The following CDH12 variants were observed in gnomAD, a reference collection of about 807,000 sequenced individuals.
CDH12 encodes cadherin-12.
A neutral mutation model predicts 74.1 loss-of-function variants in CDH12; 41 were observed. That is an observed-to-expected ratio of 0.55 (90% CI 0.43 to 0.72). The LOEUF (loss-of-function observed/expected upper bound fraction) is 0.72, where lower values mean the gene tolerates loss of function less well. CDH12 is among the 30% of genes least tolerant of loss of function. CDH12 has a pLI of 0.00. For synonymous variants in CDH12, 399 were observed against 355.0 expected (o/e 1.12, Z -1.39); for missense variants, 945 against 977.2 (o/e 0.97, Z 0.44).
chr5:22,169,198 C>CT (rs372132613), intron 4 of CDH12, among the ~76,000 whole-genome samples: 19,703 of 150,192 alleles, frequency 0.13, 1,379 homozygotes, highest in South Asian at 0.17. Context: ...GTCTTTCTGT[C>CT]TTTTTTTTTC....
intron 1 of CDH12, among the ~76,000 whole-genome samples, chr5:22,621,064 T>C (rs1737944807): frequency 6.6e-6 from 1 of 152,214 alleles, no homozygotes; most frequent in Non-Finnish European, 1.5e-5. Context: ...CTAGAGGTTC[T>C]AAGAGAACAT....
intron 1 of CDH12, among the ~76,000 whole-genome samples, chr5:22,717,730 T>C (rs1743653508): frequency 6.6e-6 from 1 of 152,120 alleles, no homozygotes; most frequent in African/African-American, 2.4e-5. Flanking sequence ...ATGGGAGAGG[T>C]AAACTTCTAT....
chr5:21,817,624 A>T (rs1420349980), intron 8 of CDH12, among the ~76,000 whole-genome samples: 2 of 152,022 alleles, frequency 1.3e-5, no homozygotes, highest in African/African-American at 2.4e-5. Context: ...ATAAGTATAC[A>T]TCATTAAACT....
At chr5:21,837,834 C>A (rs1561229847) in intron 8 of CDH12, among the ~76,000 whole-genome samples, 2 of 152,102 alleles carry the variant, frequency 1.3e-5, no homozygotes, top group Non-Finnish European at 2.9e-5. Flanking sequence ...CCTCTTCTTT[C>A]TCCTGGTTCA....
chr5:21,962,271 T>G (rs1465589856), intron 6 of CDH12, among the ~76,000 whole-genome samples: 1 of 152,164 alleles, frequency 6.6e-6, no homozygotes, highest in Non-Finnish European at 1.5e-5. Context: ...CTTATTTTAA[T>G]CATTTTCCTC....
rs59953319 is a variant in CDH12 at position 21,861,899 on chromosome 5, AGTGTGTGT to A, written c.527-7117_527-7110del. Among the ~76,000 whole-genome samples, 37 of 147,722 alleles carry A rather than the reference AGTGTGTGT, an allele frequency of 2.5e-4. 1 individual carries two copies. Among genetic ancestry groups the A allele is most frequent in the African/African-American group, 7.7e-4 (31 of 40,486 alleles). On this transcript the variant is annotated intron_variant, in intron 6 of 14. Transcript: ENST00000382254. Reference sequence around the variant, plus strand: ...CAGCATGTAGTTTTTGGTCATTTCTAGTGTGTGTGTGTGTGTGTGTGTGTGTGTATAAG... The same window carrying A: ...CAGCATGTAGTTTTTGGTCATTTCTAGTGTGTGTGTGTGTGTGTGTATAAG...
chr5:22,105,054 C>G (rs535788473), intron 4 of CDH12, among the ~76,000 whole-genome samples: 13 of 152,078 alleles, frequency 8.5e-5, no homozygotes, highest in Non-Finnish European at 1.6e-4. Context: ...CATCATCTTT[C>G]CCTGCGCGTA....
At chr5:21,952,665 C>T (rs1161266542) in intron 6 of CDH12, among the ~76,000 whole-genome samples, 1 of 152,112 alleles carries the variant, frequency 6.6e-6, no homozygotes, top group Non-Finnish European at 1.5e-5. Flanking sequence ...TCAGGATAGA[C>T]ACTATACTTT....
intron 6 of CDH12, among the ~76,000 whole-genome samples, chr5:21,964,719 T>A (rs554969829): frequency 7.2e-5 from 11 of 152,044 alleles, no homozygotes; most frequent in Non-Finnish European, 1.6e-4. Context: ...AAGTAATGCA[T>A]AAACAAGATG....
At chr5:21,873,240 T>C (rs977245309) in intron 6 of CDH12, among the ~76,000 whole-genome samples, 4 of 152,204 alleles carry the variant, frequency 2.6e-5, no homozygotes, top group African/African-American at 7.2e-5. Context: ...GTACATTAGA[T>C]GTTGAATTTC....
At chr5:22,468,986 T>G (rs1206958284) in intron 2 of CDH12, among the ~76,000 whole-genome samples, 2 of 152,222 alleles carry the variant, frequency 1.3e-5, no homozygotes, top group Non-Finnish European at 2.9e-5. Context: ...AATTACATAT[T>G]CCCTAACTTA....
chr5:22,590,394 T>C lies in CDH12; in HGVS notation c.-522-85030A>G, dbSNP rs560364470. Among the ~76,000 whole-genome samples the C allele has an allele frequency of 9.9e-5, 15 of 152,222 alleles. No individual in the cohort carries two copies. In the South Asian group the frequency reaches 2.9e-3, roughly 29 times the overall value. ...ACACATGGAATTACCACTTGATATA[T>C]CCTATGATTAAAAAAACATGTAAAG... On this transcript the variant is annotated intron_variant, in intron 1 of 14. Transcript: ENST00000382254.
At chr5:22,752,545 CTTTTTTTTTTTTTT>C (rs1159388186) in intron 1 of CDH12, among the ~76,000 whole-genome samples, 2,579 of 65,764 alleles carry the variant, frequency 0.039, 160 homozygotes, top group Admixed American at 0.18. Flanking sequence ...TAGGATACTT[CTTTTTTTTTTTTTT>C]TTTTTTTTTT....
At position 21,765,127 on chromosome 5, in the gene CDH12, T is replaced by C. The variant is rs1480351417; in HGVS notation, c.1394-28A>G. On this transcript the variant is annotated intron_variant, in intron 11 of 14. Coordinates refer to ENST00000382254, the MANE Select transcript of CDH12 (RefSeq NM_004061.5). ...GTTAAAAACATATAAAGATAAAAGA[T>C]GATTACAAAATCCGGTCAGTTATTG... The C allele has an allele frequency of 5.4e-6, 8 of 1,486,634 alleles. No individual in the cohort carries two copies. The East Asian group carries it at 9.8e-5, about 18-fold the overall frequency. The allele number at this position is 1,486,634 out of a possible 1,614,324, so 92.1% of individuals were successfully genotyped here.
At chr5:22,833,850 T>C (rs562835714) in intron 1 of CDH12, among the ~76,000 whole-genome samples, 1 of 152,290 alleles carries the variant, frequency 6.6e-6, no homozygotes, top group African/African-American at 2.4e-5. Context: ...GCCAACATTA[T>C]AGCACATGGT....
chr5:22,767,648 T>A (rs1156889396), intron 1 of CDH12, among the ~76,000 whole-genome samples: 1 of 151,994 alleles, frequency 6.6e-6, no homozygotes, highest in Non-Finnish European at 1.5e-5. Flanking sequence ...TGCTGCTTAT[T>A]TCTAGAAGCT....
chr5:21,775,819 C>T (rs1745556506), intron 11 of CDH12, among the ~76,000 whole-genome samples: 1 of 152,036 alleles, frequency 6.6e-6, no homozygotes, highest in African/African-American at 2.4e-5. Flanking sequence ...TTGCATTTCT[C>T]TTGACATTTT....
chr5:22,845,984 G>A (rs1737283927), intron 1 of CDH12, among the ~76,000 whole-genome samples: 1 of 152,020 alleles, frequency 6.6e-6, no homozygotes, highest in Non-Finnish European at 1.5e-5. Context: ...AGGAAGTGAG[G>A]TTACTGGATT....
intron 6 of CDH12, among the ~76,000 whole-genome samples, chr5:21,940,100 G>A (rs1271220031): frequency 1.3e-5 from 2 of 151,976 alleles, no homozygotes; most frequent in African/African-American, 2.4e-5. Flanking sequence ...AGTGGCTCAC[G>A]TCTGTAATCC....
Sources: gnomAD v4.1 joint callset for allele counts (sites outside exome capture counted in the v4.1 genomes callset) on GRCh38, gnomAD v4.1.1 for gene constraint, MANE v1.5 for transcripts, NCBI Gene and HGNC (gene_info 2026-07-23, HGNC 2026-07-21) for gene names.